Variants in MAGI2 observed in about 807,000 individuals in gnomAD.
MAGI2 encodes the protein membrane associated guanylate kinase, WW and PDZ domain containing 2.
A neutral mutation model predicts 133.3 loss-of-function variants in MAGI2; 35 were observed. The ratio of observed to expected loss-of-function variants is 0.26; its 90% CI spans 0.20 to 0.35. The LOEUF is 0.35. Among genes scored for constraint, MAGI2 ranks in the 10% least tolerant of loss-of-function variants. The probability of loss-of-function intolerance (pLI) is 1.00; values close to 1 mark genes in which losing one functional copy is unlikely to be tolerated. For missense variants in MAGI2, 1,636 were observed against 1,863.4 expected, an observed-to-expected ratio of 0.88 and a Z score of 2.25; for synonymous variants, 729 against 710.6, an observed-to-expected ratio of 1.03 and a Z score of -0.41.
chr7:78,897,931 C>T (rs1042999452), intron 2 of MAGI2, among the ~76,000 whole-genome samples: 1 of 152,120 alleles, frequency 6.6e-6, no homozygotes, highest in African/African-American at 2.4e-5. Flanking sequence ...AAAATATTTG[C>T]AAACTATGCA....
chr7:78,578,263 G>A (rs1304824951), intron 3 of MAGI2, among the ~76,000 whole-genome samples: 2 of 151,950 alleles, frequency 1.3e-5, no homozygotes, highest in East Asian at 3.9e-4. Flanking sequence ...CCCTATGGAA[G>A]AAAAGCTTTA....
At chr7:78,926,474 G>T (rs1309677129) in intron 2 of MAGI2, among the ~76,000 whole-genome samples, 1 of 151,976 alleles carries the variant, frequency 6.6e-6, no homozygotes. Flanking sequence ...ATTGCCTGTA[G>T]TTGCCTCCAG....
rs754843992 is a variant in MAGI2 at position 78,369,188 on chromosome 7, G to A, written c.1071C>T (p.Ile357=). 1.2e-6 allele frequency: 2 copies of A among 1,603,710 alleles called. No individual in the cohort carries two copies. Among genetic ancestry groups the A allele is most frequent in the East Asian group, 2.2e-5 (1 of 44,636 alleles). ...ENELPYGWEK[I]DDPIYGTYYV... ...AATAAGTGCCATAAATGGGATCATC[G>A]ATTTTTTCCCAGCCATATGGAAGCT... The change falls in exon 7 of 22, where the codon ATC becomes ATT. Residue 357 remains isoleucine (I), a synonymous_variant. Coordinates refer to ENST00000354212, the MANE Select transcript of MAGI2 (RefSeq NM_012301.4).
rs114423671 is a variant in MAGI2, at chr7:78,582,929, C to T, written c.538+44191G>A. On this transcript the variant is annotated intron_variant, in intron 3 of 21. Coordinates refer to ENST00000354212, the MANE Select transcript of MAGI2 (RefSeq NM_012301.4). Reference sequence around the variant, plus strand: ...GAAGCCACTTAAAATATAGGAGCCTCAGTTTCCTTATTCGTCAAAGTATTT... The same window carrying T: ...GAAGCCACTTAAAATATAGGAGCCTTAGTTTCCTTATTCGTCAAAGTATTT... Among the ~76,000 whole-genome samples, 1,031 of 152,282 alleles carry T rather than the reference C, an allele frequency of 6.8e-3. 9 individuals are homozygous for T. The highest frequency in any genetic ancestry group is 0.023 in the African/African-American group (971 of 41,566).
chr7:79,128,603 G>A (rs967813981), intron 1 of MAGI2, among the ~76,000 whole-genome samples: 3 of 152,028 alleles, frequency 2.0e-5, no homozygotes, highest in African/African-American at 7.2e-5. Context: ...ATAGTACCTT[G>A]TTTTCAACAT....
chr7:78,142,894 G>A (rs1563176287), intron 16 of MAGI2, among the ~76,000 whole-genome samples: 2 of 152,122 alleles, frequency 1.3e-5, no homozygotes, highest in Non-Finnish European at 2.9e-5. Context: ...TTCTCTGTAT[G>A]TCCCTGAAAA....
At chr7:79,330,103 A>G (rs1266159144) in intron 1 of MAGI2, among the ~76,000 whole-genome samples, 1 of 151,984 alleles carries the variant, frequency 6.6e-6, no homozygotes, top group East Asian at 1.9e-4. Flanking sequence ...AAGAAAGGAA[A>G]CAAACTAAAC....
chr7:79,154,353 C>G (rs1225602356), intron 1 of MAGI2, among the ~76,000 whole-genome samples: 1 of 152,136 alleles, frequency 6.6e-6, no homozygotes, highest in Non-Finnish European at 1.5e-5. Flanking sequence ...GTCAAGCTTC[C>G]TTTTCTTGAC....
chr7:78,136,717 A>G (rs2150544869), intron 16 of MAGI2, among the ~76,000 whole-genome samples: 1 of 152,340 alleles, frequency 6.6e-6, no homozygotes, highest in East Asian at 1.9e-4. Flanking sequence ...CTGTAGAAAT[A>G]TGCAAAAACA....
At chr7:78,432,514 T>A (rs1337148410) in intron 6 of MAGI2, among the ~76,000 whole-genome samples, 2 of 151,746 alleles carry the variant, frequency 1.3e-5, no homozygotes, top group African/African-American at 2.4e-5. Flanking sequence ...CTAAAACGTG[T>A]CTTTCTTCGT....
In MAGI2 at chr7:78,438,026, T is replaced by C. The variant is rs574333103; in HGVS notation, c.1045+51735A>G. Among the ~76,000 whole-genome samples the C allele has an allele frequency of 2.6e-5, 4 of 152,298 alleles. No homozygotes were observed. In the South Asian group the frequency reaches 8.3e-4, roughly 32 times the overall value. Reference sequence around the variant, plus strand: ...CAACAGTTTGTTATTAGTTGTTGTTTATGTCACATGTAATGATACTTTGTT... The same window carrying C: ...CAACAGTTTGTTATTAGTTGTTGTTCATGTCACATGTAATGATACTTTGTT... On this transcript the variant is annotated intron_variant, in intron 6 of 21. Coordinates refer to ENST00000354212, the MANE Select transcript of MAGI2 (RefSeq NM_012301.4).
intron 1 of MAGI2, among the ~76,000 whole-genome samples, chr7:79,205,715 A>G (rs1828990285): frequency 1.3e-5 from 2 of 151,820 alleles, no homozygotes; most frequent in Admixed American, 6.6e-5. Flanking sequence ...GGCTTTAAAA[A>G]TTCAAAATTT....
chr7:79,080,972 A>G (rs1219136490), intron 1 of MAGI2, among the ~76,000 whole-genome samples: 1 of 152,086 alleles, frequency 6.6e-6, no homozygotes, highest in Non-Finnish European at 1.5e-5. Context: ...TCCTGTCCCC[A>G]GCCCATCCTC....
intron 2 of MAGI2, among the ~76,000 whole-genome samples, chr7:78,934,533 C>G (rs931980954): frequency 2.0e-5 from 3 of 152,100 alleles, no homozygotes; most frequent in Admixed American, 6.6e-5. Flanking sequence ...GATGGCGATA[C>G]CAAACAACCA....
chr7:78,079,217 T>G (rs1228783016), intron 20 of MAGI2, 132 bp from the exon 21 acceptor site: 1 of 800,808 alleles, frequency 1.2e-6, no homozygotes, highest in Non-Finnish European at 2.1e-6. Context: ...TGCTGCTTTT[T>G]GGAAGAGGCT....
intron 2 of MAGI2, among the ~76,000 whole-genome samples, chr7:78,780,792 A>G (rs1401031095): frequency 6.6e-6 from 1 of 152,230 alleles, no homozygotes; most frequent in African/African-American, 2.4e-5. Context: ...ACCTGAACAG[A>G]AAGGGAAAGT....
At chr7:78,233,357 G>A (rs1415924145) in intron 10 of MAGI2, among the ~76,000 whole-genome samples, 7 of 152,116 alleles carry the variant, frequency 4.6e-5, no homozygotes, top group African/African-American at 1.7e-4. Context: ...AGCCACGGGA[G>A]GAAAGATTCT....
intron 1 of MAGI2, among the ~76,000 whole-genome samples, chr7:79,238,066 T>C (rs185991122): frequency 2.6e-4 from 40 of 152,318 alleles, no homozygotes; most frequent in African/African-American, 8.4e-4. Context: ...TATTTTATTA[T>C]AAGAGTTACA....
intron 2 of MAGI2, among the ~76,000 whole-genome samples, chr7:78,821,261 C>T (rs1324230158): frequency 2.0e-5 from 3 of 152,012 alleles, no homozygotes; most frequent in Non-Finnish European, 4.4e-5. Flanking sequence ...TCATACATGC[C>T]TACTATGTGC....
Sources: gnomAD v4.1 joint callset for allele counts (sites outside exome capture counted in the v4.1 genomes callset) on GRCh38, gnomAD v4.1.1 for gene constraint, MANE v1.5 for transcripts, NCBI Gene and HGNC (gene_info 2026-07-23, HGNC 2026-07-21) for gene names.